KIRREL1: variants seen among roughly 807,000 people sequenced by gnomAD.
KIRREL1 encodes kirre like nephrin family adhesion molecule 1, also known as kin of IRRE-like protein 1.
KIRREL1 carries 25 observed loss-of-function variants against 83.3 expected under a neutral mutation model. The observed-to-expected ratio is 0.30, with a 90% confidence interval of 0.22 to 0.42. The LOEUF (loss-of-function observed/expected upper bound fraction) is 0.42. Ranked by LOEUF, KIRREL1 falls within the 10% of genes least tolerant of loss-of-function variation. KIRREL1 has a pLI of 1.00. For synonymous variants in KIRREL1, 388 were observed against 410.4 expected, an observed-to-expected ratio of 0.95 and a Z score of 0.66; for missense variants, 812 against 1,032.3, an observed-to-expected ratio of 0.79 and a Z score of 2.92.
In KIRREL1 at chr1:158,084,407, T is replaced by C; in HGVS notation, c.353-15T>C. On this transcript the variant is annotated splice_polypyrimidine_tract_variant and intron_variant, in intron 3 of 14. Coordinates refer to ENST00000359209, the MANE Select transcript of KIRREL1 (RefSeq NM_018240.7). ...GCCACACCCTGCACTGACTTTGCTC[T>C]GCTTTCTCCCACAGTCCCCCCAGAG... is the stretch of plus-strand genomic sequence containing the variant. 6.5e-7 allele frequency: 1 copy of C among 1,545,846 alleles called. No homozygotes were observed. The highest frequency in any genetic ancestry group is 8.7e-7 in the Non-Finnish European group (1 of 1,143,258).
At chr1:158,064,452 A>C (rs1242566697) in intron 1 of KIRREL1, among the ~76,000 whole-genome samples, 19 of 152,136 alleles carry the variant, frequency 1.2e-4, no homozygotes, top group Admixed American at 1.2e-3. Flanking sequence ...GATGGGTGTA[A>C]GTCCAAAGTA....
intron 1 of KIRREL1, among the ~76,000 whole-genome samples, chr1:158,010,354 CA>C (rs1659641290): frequency 2.1e-4 from 30 of 140,414 alleles, no homozygotes; most frequent in Admixed American, 9.4e-4. Flanking sequence ...CACACACACA[CA>C]CACACACCCC....
chr1:158,013,446 T>C (rs1202361958), intron 1 of KIRREL1, among the ~76,000 whole-genome samples: 1 of 151,956 alleles, frequency 6.6e-6, no homozygotes, highest in Non-Finnish European at 1.5e-5. Context: ...AGCAGACTCC[T>C]TGTGATGCCA....
intron 1 of KIRREL1, among the ~76,000 whole-genome samples, chr1:158,048,457 G>A (rs981274708): frequency 5.3e-5 from 8 of 152,160 alleles, no homozygotes; most frequent in Admixed American, 4.6e-4. Flanking sequence ...TAGGAAAGGC[G>A]TTTTTTCAGC....
At chr1:158,056,281 G>A (rs1661054811) in intron 1 of KIRREL1, among the ~76,000 whole-genome samples, 1 of 152,242 alleles carries the variant, frequency 6.6e-6, no homozygotes, top group Admixed American at 6.5e-5. Flanking sequence ...CTCCCGAGAA[G>A]CCCCTGCAGT....
At chr1:158,011,722 G>A (rs1659692075) in intron 1 of KIRREL1, among the ~76,000 whole-genome samples, 1 of 152,210 alleles carries the variant, frequency 6.6e-6, no homozygotes, top group South Asian at 2.1e-4. Context: ...GAGGGAACCA[G>A]GAAATCTTGC....
At chr1:158,085,916 G>A (rs187922731) in intron 4 of KIRREL1, among the ~76,000 whole-genome samples, 140 of 152,258 alleles carry the variant, frequency 9.2e-4, no homozygotes, top group Middle Eastern at 3.4e-3. Flanking sequence ...GTGCCTACAA[G>A]CAAGGTTGGA....
Position 158,099,432 on chromosome 1 carries a change from G to A in KIRREL1, c.*4312G>A, listed in dbSNP as rs991808391. 4 of 152,132 alleles carry A rather than the reference G, an allele frequency of 2.6e-5. No homozygotes were observed. The highest frequency in any genetic ancestry group is 2.1e-4 in the South Asian group (1 of 4,816). The allele number at this position is 152,132 out of a possible 1,614,324, so 9.4% of individuals were successfully genotyped here. A position where few individuals can be genotyped will look rare whatever the true frequency, so the allele number is the denominator to read the frequency against. ...AAGGCATTGGCTCATCTTTGTCAGCGTGGTCCTGACGTTCACCTCTGGGCT... is the reference window on the plus strand; with the variant it reads ...AAGGCATTGGCTCATCTTTGTCAGCATGGTCCTGACGTTCACCTCTGGGCT... On this transcript the variant is annotated 3_prime_UTR_variant, in exon 15 of 15. Coordinates refer to ENST00000359209, the MANE Select transcript of KIRREL1 (RefSeq NM_018240.7).
intron 3 of KIRREL1, among the ~76,000 whole-genome samples, 162 bp downstream of exon 3, chr1:158,078,302 C>T (rs1181409391): frequency 1.3e-5 from 2 of 152,182 alleles, no homozygotes; most frequent in African/African-American, 2.4e-5. Flanking sequence ...GAAAGTAAAC[C>T]AGGCATGTGG....
At chr1:158,017,761 G>T (rs1485660312) in intron 1 of KIRREL1, among the ~76,000 whole-genome samples, 6 of 150,766 alleles carry the variant, frequency 4.0e-5, no homozygotes, top group Admixed American at 3.3e-4. Context: ...CTATTTTTCT[G>T]TTTTTTTTAA....
At chr1:158,070,076 G>A (rs902346428) in intron 1 of KIRREL1, among the ~76,000 whole-genome samples, 1 of 151,934 alleles carries the variant, frequency 6.6e-6, no homozygotes, top group Non-Finnish European at 1.5e-5. Context: ...AGTGTGTGGG[G>A]CAAGTCCTGC....
intron 1 of KIRREL1, among the ~76,000 whole-genome samples, chr1:158,024,279 T>C (rs1273320261): frequency 7.6e-6 from 1 of 131,494 alleles, no homozygotes; most frequent in Admixed American, 7.8e-5. Context: ...TATTTTTTTT[T>C]TTTTTTTTTT....
At chr1:158,024,081 G>C (rs1199831161) in intron 1 of KIRREL1, among the ~76,000 whole-genome samples, 2 of 152,034 alleles carry the variant, frequency 1.3e-5, no homozygotes. Flanking sequence ...TCAAGTAGCT[G>C]GGATTGTAGG....
Position 158,095,166 on chromosome 1 carries a change from C to T in KIRREL1, c.*46C>T. The T allele has an allele frequency of 7.5e-7, 1 of 1,327,820 alleles. No homozygotes were observed. The highest frequency in any genetic ancestry group is 1.0e-6 in the Non-Finnish European group (1 of 961,062). 82.3% of individuals were successfully genotyped at this position (1,327,820 alleles called of 1,614,324 possible). On this transcript the variant is annotated 3_prime_UTR_variant, in exon 15 of 15. Transcript: ENST00000359209. ...CATCTCTGCGGGGCAGAGGAGAAGG[C>T]TTTCACAGCTGTTCCCTGATATTCA...
chr1:157,999,227 C>G (rs1397959913), intron 1 of KIRREL1, among the ~76,000 whole-genome samples: 1 of 152,192 alleles, frequency 6.6e-6, no homozygotes, highest in Non-Finnish European at 1.5e-5. Flanking sequence ...TGAAGCAAAA[C>G]TTAGATGTCA....
At chr1:157,997,663 A>G (rs897016188) in intron 1 of KIRREL1, among the ~76,000 whole-genome samples, 5 of 152,172 alleles carry the variant, frequency 3.3e-5, no homozygotes, top group African/African-American at 1.2e-4. Flanking sequence ...GCAAAAGTGG[A>G]AGAGGTTGGC....
intron 1 of KIRREL1, among the ~76,000 whole-genome samples, chr1:158,040,100 A>G (rs1397096245): frequency 6.6e-6 from 1 of 152,156 alleles, no homozygotes; most frequent in Non-Finnish European, 1.5e-5. Context: ...GCTTTCCTTC[A>G]TTATTGCTCA....
At chr1:158,075,959 A>G (rs11264900) in intron 1 of KIRREL1, among the ~76,000 whole-genome samples, 154 bp from the exon 2 acceptor site, 100,213 of 152,118 alleles carry the variant, frequency 0.66, 33,518 homozygotes, top group East Asian at 0.75. Flanking sequence ...TGGCATCTTG[A>G]AACAAAGGGG....
At chr1:158,016,705 C>T (rs1659835120) in intron 1 of KIRREL1, among the ~76,000 whole-genome samples, 2 of 152,210 alleles carry the variant, frequency 1.3e-5, no homozygotes, top group Non-Finnish European at 2.9e-5. Context: ...GGGAATCAGC[C>T]TGCCTGGGAT....
Sources: gnomAD v4.1 joint callset for allele counts (sites outside exome capture counted in the v4.1 genomes callset) on GRCh38, gnomAD v4.1.1 for gene constraint, MANE v1.5 for transcripts, NCBI Gene and HGNC (gene_info 2026-07-23, HGNC 2026-07-21) for gene names.